Variants in AKAP9 observed in about 807,000 individuals in gnomAD.
The protein encoded by AKAP9 is A-kinase anchoring protein 9.
A neutral mutation model predicts 488.5 loss-of-function variants in AKAP9; 311 were observed. That is an observed-to-expected ratio of 0.64 (90% CI 0.58 to 0.70). AKAP9 has a LOEUF of 0.70. Among genes scored for constraint, AKAP9 ranks in the 30% least tolerant of loss-of-function variants. The pLI is 0.00. For synonymous variants in AKAP9, 1,462 were observed against 1,483.5 expected, an observed-to-expected ratio of 0.99 and a Z score of 0.33; for missense variants, 4,215 against 4,374.5, an observed-to-expected ratio of 0.96 and a Z score of 1.03.
chr7:91,976,221 C>G (rs1795669577), intron 2 of AKAP9, among the ~76,000 whole-genome samples: 2 of 151,990 alleles, frequency 1.3e-5, no homozygotes, highest in Non-Finnish European at 2.9e-5. Flanking sequence ...CTATGCCCAT[C>G]CACTTATTTT....
intron 21 of AKAP9, among the ~76,000 whole-genome samples, chr7:92,049,056 C>T (rs896978494): frequency 1.3e-5 from 2 of 152,186 alleles, no homozygotes; most frequent in Non-Finnish European, 2.9e-5. Flanking sequence ...GGCTTTATCA[C>T]ATTGCCTATC....
At chr7:92,089,291 G>A in intron 37 of AKAP9, 94 bp from the exon 38 acceptor site, 4 of 1,416,194 alleles carry the variant, frequency 2.8e-6, no homozygotes, top group Non-Finnish European at 3.9e-6. Flanking sequence ...ATTTTAGTAT[G>A]TGTGTTCCAT....
At position 92,073,340 on chromosome 7, in the gene AKAP9, C is replaced by CAA. The variant is rs397713211; in HGVS notation, c.6612+2346_6612+2347dup. ...TGAAACCCCATCTCTACTAAAAATA[C>CAA]AAAAAAAAAAAAAAAATTAGCCGGG... On this transcript the variant is annotated intron_variant, in intron 28 of 49. Transcript: ENST00000356239. Among the ~76,000 whole-genome samples the CAA allele has an allele frequency of 5.2e-3, 657 of 127,072 alleles. 3 individuals carry two copies. The highest frequency in any genetic ancestry group is 0.016 in the Middle Eastern group (4 of 244). 83.4% of individuals were successfully genotyped at this position (127,072 alleles called of 152,430 possible).
At position 92,079,207 on chromosome 7, in the gene AKAP9, A is replaced by C. The variant is rs150968594; in HGVS notation, c.7074A>C (p.Lys2358Asn). The C allele has an allele frequency of 6.2e-7, 1 of 1,614,040 alleles. No homozygotes were observed. Among genetic ancestry groups the C allele is most frequent in the Non-Finnish European group, 8.5e-7 (1 of 1,179,986 alleles). Residue 2358 changes from lysine to asparagine, a missense_variant, in exon 31 of 50, where the codon AAA (lysine) becomes AAC (asparagine). Around this residue, in one of 5 missense-constraint regions of AKAP9, gnomAD observed 1,476 missense variants for 1,477.4 expected, o/e 1.00. Coordinates refer to ENST00000356239, the MANE Select transcript of AKAP9 (RefSeq NM_005751.5). The part of the protein sequence containing the change: ...EIEQLNEVIE[K>N]LQQELANIGQ... ...AGCAGCTCAATGAAGTGATTGAAAA[A>C]CTTCAACAGGAATTGGCAAATATTG...
At chr7:91,956,396 T>C (rs1190862089) in intron 1 of AKAP9, among the ~76,000 whole-genome samples, 46 of 98,294 alleles carry the variant, frequency 4.7e-4, no homozygotes, top group African/African-American at 2.1e-3. Context: ...TGAGACTCTG[T>C]CTCAAAAAAA....
At chr7:92,066,600 A>G in intron 26 of AKAP9, 54 bp downstream of exon 26, 2 of 1,593,462 alleles carry the variant, frequency 1.3e-6, no homozygotes, top group East Asian at 4.5e-5. Context: ...CAAGTGTAAA[A>G]TAAGATGCAT....
In AKAP9 at chr7:91,994,693, G is replaced by C; in HGVS notation, c.649G>C (p.Ala217Pro). Residue 217 changes from alanine to proline, a missense_variant, in exon 6 of 50, where the codon GCA (alanine) becomes CCA (proline). Physicochemically the swap from Ala to Pro is conservative, Grantham distance 27. Transcript: ENST00000356239. ...CCAGCTCACTGCTAATTTACAACAA[G>C]CAAGAAGAGAAAAGGATGAGACAAT... is the stretch of plus-strand genomic sequence containing the variant. ...ITQLTANLQQ[A>P]RREKDETMRE... 2 of 1,613,314 alleles carry C rather than the reference G, an allele frequency of 1.2e-6. No individual in the cohort carries two copies. Among genetic ancestry groups the C allele is most frequent in the Non-Finnish European group, 8.5e-7 (1 of 1,179,634 alleles).
intron 3 of AKAP9, among the ~76,000 whole-genome samples, chr7:91,988,130 G>A (rs149431653): frequency 4.0e-5 from 6 of 151,796 alleles, no homozygotes; most frequent in African/African-American, 1.2e-4. Flanking sequence ...TATTCCACAC[G>A]GTAAGATAGC....
intron 1 of AKAP9, among the ~76,000 whole-genome samples, chr7:91,941,993 A>G (rs1226735791): frequency 6.6e-6 from 1 of 152,128 alleles, no homozygotes; most frequent in Non-Finnish European, 1.5e-5. Context: ...TTCATGAGAA[A>G]TTTAACATAT....
At chr7:91,941,520 G>A (rs1416988518) in intron 1 of AKAP9, among the ~76,000 whole-genome samples, 1 of 152,010 alleles carries the variant, frequency 6.6e-6, no homozygotes, top group African/African-American at 2.4e-5. Flanking sequence ...TTCCAGGGTG[G>A]GGATTTAGGG....
intron 2 of AKAP9, among the ~76,000 whole-genome samples, chr7:91,978,225 GA>G (rs1795945495): frequency 2.0e-5 from 1 of 51,126 alleles, no homozygotes; most frequent in African/African-American, 9.4e-5. Context: ...CTGGGCAACA[GA>G]GTGAGACTCT....
chr7:92,009,955 C>T (rs559469427), intron 8 of AKAP9, among the ~76,000 whole-genome samples: 17 of 152,300 alleles, frequency 1.1e-4, no homozygotes, highest in Non-Finnish European at 5.9e-5. Context: ...TCACATTTCA[C>T]TATGGCTGCA....
intron 1 of AKAP9, among the ~76,000 whole-genome samples, chr7:91,961,353 A>G (rs1410090834): frequency 1.3e-5 from 2 of 151,180 alleles, no homozygotes; most frequent in Non-Finnish European, 3.0e-5. Context: ...TAATTTTTGT[A>G]TTTTAGTAGA....
At position 92,052,778 on chromosome 7, in the gene AKAP9, C is replaced by A. The variant is rs1355874370; in HGVS notation, c.5421C>A (p.Asp1807Glu). 1 of 1,613,666 alleles carries A rather than the reference C, an allele frequency of 6.2e-7. No individual in the cohort carries two copies. The highest frequency in any genetic ancestry group is 1.7e-5 in the Admixed American group (1 of 59,998). ...CTGGAAGTGATATGCCAAGAAATGA[C>A]ATTAACATGTGGTCAAAAGTAACTG... is the stretch of plus-strand genomic sequence containing the variant. Reference protein sequence around the residue: ...SYSGSDMPRNDINMWSKVTEE... With the variant: ...SYSGSDMPRNEINMWSKVTEE... The change falls in exon 22 of 50, where the codon GAC (aspartate) becomes GAA (glutamate). Residue 1807 changes from aspartate to glutamate, a missense_variant. This residue lies in a region of AKAP9 where 2,361 missense variants were observed against 2,430.0 expected (regional missense o/e 0.97). Coordinates refer to ENST00000356239, the MANE Select transcript of AKAP9 (RefSeq NM_005751.5).
intron 44 of AKAP9, 91 bp downstream of exon 44, chr7:92,099,960 A>T (rs965995300): frequency 8.2e-7 from 1 of 1,226,474 alleles, no homozygotes; most frequent in African/African-American, 1.5e-5. Flanking sequence ...TGTTAATGTA[A>T]AACTATCACA....
At chr7:92,040,145 G>C (rs1004515244) in intron 17 of AKAP9, among the ~76,000 whole-genome samples, 2 of 152,178 alleles carry the variant, frequency 1.3e-5, no homozygotes, top group East Asian at 3.8e-4. Flanking sequence ...GACTTCTTAT[G>C]AGTGTGAGAC....
At chr7:91,980,989 A>AG (rs1254106126) in intron 3 of AKAP9, among the ~76,000 whole-genome samples, 3 of 152,194 alleles carry the variant, frequency 2.0e-5, no homozygotes, top group Admixed American at 2.0e-4. Context: ...GGTTTCTAAT[A>AG]GGAAAAAAAA....
intron 33 of AKAP9, among the ~76,000 whole-genome samples, chr7:92,084,394 T>A (rs1466466859): frequency 1.3e-5 from 2 of 152,178 alleles, no homozygotes; most frequent in African/African-American, 2.4e-5. Flanking sequence ...TAGAGTTAAA[T>A]AATATATGAT....
chr7:91,949,722 T>A (rs2130461715), intron 1 of AKAP9, among the ~76,000 whole-genome samples: 1 of 152,324 alleles, frequency 6.6e-6, no homozygotes, highest in East Asian at 1.9e-4. Context: ...TCAAAAGTGT[T>A]CAATATTCAG....
Sources: gnomAD v4.1 joint callset for allele counts (sites outside exome capture counted in the v4.1 genomes callset) on GRCh38, gnomAD v4.1.1 for gene constraint, gnomAD v4.1.1 regional missense constraint, MANE v1.5 for transcripts, NCBI Gene and HGNC (gene_info 2026-07-23, HGNC 2026-07-21) for gene names.